Variants in MAD1L1 observed in about 807,000 individuals in gnomAD.
MAD1L1 encodes the protein mitotic spindle assembly checkpoint protein MAD1.
In MAD1L1, 95 loss-of-function variants were observed where a neutral mutation model predicts 96.9. The observed-to-expected ratio is 0.98, with a 90% confidence interval of 0.83 to 1.16. The LOEUF (loss-of-function observed/expected upper bound fraction) is 1.16. MAD1L1 is among the 50% of genes most tolerant of loss of function. The pLI is 0.00. For synonymous variants in MAD1L1, 473 were observed against 396.6 expected, an observed-to-expected ratio of 1.19 and a Z score of -2.29; for missense variants, 1,007 against 954.4, an observed-to-expected ratio of 1.06 and a Z score of -0.73.
At chr7:2,101,886 T>C (rs970093449) in intron 11 of MAD1L1, among the ~76,000 whole-genome samples, 1 of 151,986 alleles carries the variant, frequency 6.6e-6, no homozygotes, top group African/African-American at 2.4e-5. Context: ...GATAAACACA[T>C]ACCAGGCAGG....
chr7:1,882,010 A>T (rs1181038710), intron 18 of MAD1L1, among the ~76,000 whole-genome samples: 1 of 152,002 alleles, frequency 6.6e-6, no homozygotes, highest in Non-Finnish European at 1.5e-5. Context: ...CCTCCCCCAC[A>T]CCCTCTCTAA....
intron 16 of MAD1L1, among the ~76,000 whole-genome samples, chr7:1,944,727 G>A (rs577818289): frequency 1.3e-5 from 2 of 152,230 alleles, no homozygotes; most frequent in African/African-American, 2.4e-5. Flanking sequence ...CCCCCACCCC[G>A]TCGGCCCTCT....
chr7:1,893,955 G>A (rs1393306748), intron 18 of MAD1L1, among the ~76,000 whole-genome samples: 1 of 152,226 alleles, frequency 6.6e-6, no homozygotes, highest in South Asian at 2.1e-4. Context: ...GTTGGCTGTT[G>A]TCTGTTCACT....
intron 12 of MAD1L1, among the ~76,000 whole-genome samples, chr7:2,052,619 T>C (rs936160160): frequency 5.9e-5 from 9 of 152,180 alleles, no homozygotes; most frequent in Admixed American, 3.9e-4. Flanking sequence ...TACAAATAAA[T>C]GGGTGTGTTC....
intron 10 of MAD1L1, among the ~76,000 whole-genome samples, chr7:2,186,124 C>A (rs1349526299): frequency 6.6e-6 from 1 of 152,160 alleles, no homozygotes; most frequent in East Asian, 1.9e-4. Flanking sequence ...GTACTGTTAA[C>A]AGAAGTATAA....
intron 18 of MAD1L1, among the ~76,000 whole-genome samples, chr7:1,866,752 G>C (rs1300889452): frequency 6.6e-6 from 1 of 152,206 alleles, no homozygotes; most frequent in Non-Finnish European, 1.5e-5. Context: ...TGTTCCACGG[G>C]CTGACGGGAG....
chr7:1,842,052 C>T (rs1176430836), intron 18 of MAD1L1, among the ~76,000 whole-genome samples: 3 of 152,174 alleles, frequency 2.0e-5, no homozygotes, highest in Non-Finnish European at 4.4e-5. Flanking sequence ...CCTTGTTTTT[C>T]GTCTTTGGCA....
chr7:1,850,791 C>T (rs1783927647), intron 18 of MAD1L1, among the ~76,000 whole-genome samples: 2 of 152,334 alleles, frequency 1.3e-5, no homozygotes, highest in South Asian at 4.1e-4. Flanking sequence ...CAACAGCAAA[C>T]ACATGTTCAC....
intron 18 of MAD1L1, chr7:1,829,644 G>C (rs1472300598): frequency 6.6e-6 from 1 of 151,434 alleles, no homozygotes; most frequent in Non-Finnish European, 1.5e-5. Flanking sequence ...TGAAAAAGTA[G>C]TGGCCCCAAT....
At chr7:1,928,427 T>C (rs558757755) in intron 17 of MAD1L1, among the ~76,000 whole-genome samples, 41 of 150,542 alleles carry the variant, frequency 2.7e-4, no homozygotes, top group Non-Finnish European at 5.2e-4. Flanking sequence ...CACTTGACAC[T>C]GCTCCCCACG....
intron 11 of MAD1L1, among the ~76,000 whole-genome samples, chr7:2,108,166 A>G (rs2128554584): frequency 6.6e-6 from 1 of 152,380 alleles, no homozygotes; most frequent in South Asian, 2.1e-4. Flanking sequence ...TGGGGGCTGT[A>G]GCAAATGAAT....
chr7:1,948,577 G>A (rs1272803301), intron 16 of MAD1L1, among the ~76,000 whole-genome samples: 2 of 152,218 alleles, frequency 1.3e-5, no homozygotes, highest in East Asian at 3.9e-4. Flanking sequence ...GAAAGGCCAG[G>A]GGAGGAGGGA....
intron 18 of MAD1L1, among the ~76,000 whole-genome samples, chr7:1,868,531 G>A (rs1232674337): frequency 6.7e-6 from 1 of 148,194 alleles, no homozygotes; most frequent in African/African-American, 2.5e-5. Context: ...TCAGCAGGGG[G>A]TGGGGAAGGG....
At chr7:2,054,622 C>A (rs182163560) in intron 12 of MAD1L1, among the ~76,000 whole-genome samples, 2 of 152,220 alleles carry the variant, frequency 1.3e-5, no homozygotes, top group Admixed American at 1.3e-4. Context: ...TGGGAAAGGG[C>A]GATATATTAA....
At chr7:2,216,361 G>A (rs1584573187) in intron 7 of MAD1L1, 74 bp from the exon 8 acceptor site, 16 of 1,485,200 alleles carry the variant, frequency 1.1e-5, no homozygotes, top group East Asian at 2.3e-5. Context: ...ACACGCACAC[G>A]GCTAAGAGAA....
At chr7:2,025,926 C>G (rs1048571479) in intron 12 of MAD1L1, among the ~76,000 whole-genome samples, 3 of 152,130 alleles carry the variant, frequency 2.0e-5, no homozygotes, top group Non-Finnish European at 2.9e-5. Context: ...AAGATGTTTT[C>G]ATAAAAAACG....
At chr7:1,868,004 G>GTGCCC (rs910779381) in intron 18 of MAD1L1, among the ~76,000 whole-genome samples, 4 of 152,178 alleles carry the variant, frequency 2.6e-5, no homozygotes, top group Middle Eastern at 3.2e-3. Context: ...TGTGTGGCCA[G>GTGCCC]TGCCCTGCCC....
At chr7:2,075,872 C>T (rs1785350186) in intron 11 of MAD1L1, among the ~76,000 whole-genome samples, 1 of 152,216 alleles carries the variant, frequency 6.6e-6, no homozygotes. Context: ...CTCCCAAGTC[C>T]CAGCCCACTG....
intron 12 of MAD1L1, among the ~76,000 whole-genome samples, chr7:2,042,605 A>C (rs1299669387): frequency 6.6e-6 from 1 of 152,114 alleles, no homozygotes; most frequent in East Asian, 1.9e-4. Context: ...TTGGATTATG[A>C]GGGCGGATCC....
Sources: gnomAD v4.1 joint callset for allele counts (sites outside exome capture counted in the v4.1 genomes callset) on GRCh38, gnomAD v4.1.1 for gene constraint, MANE v1.5 for transcripts, NCBI Gene and HGNC (gene_info 2026-07-23, HGNC 2026-07-21) for gene names.